The following ZNF397 variants were observed in gnomAD, a reference collection of about 807,000 sequenced individuals.
ZNF397 encodes the protein zinc finger protein 397, also known as zinc finger and SCAN domain-containing protein 15.
A neutral mutation model predicts 50.6 loss-of-function variants in ZNF397; 38 were observed. The ratio of observed to expected loss-of-function variants is 0.75; its 90% CI spans 0.58 to 0.98. The LOEUF is 0.98. Ranked by LOEUF, ZNF397 falls within the 50% of genes least tolerant of loss-of-function variation. The probability of loss-of-function intolerance (pLI) is 0.00; values close to 1 mark genes in which losing one functional copy is unlikely to be tolerated. For missense variants in ZNF397, 624 were observed against 624.1 expected, an observed-to-expected ratio of 1.00 and a Z score of 0.00; for synonymous variants, 228 against 215.2, an observed-to-expected ratio of 1.06 and a Z score of -0.52.
In ZNF397 at chr18:35,246,707, TA is replaced by T. The variant is rs879008742; in HGVS notation, c.*413del. 0.056 allele frequency: 47,099 copies of T among 843,166 alleles called. No homozygotes were observed. The highest frequency in any genetic ancestry group is 0.066 in the Middle Eastern group (110 of 1,658). 52.2% of individuals were successfully genotyped at this position (843,166 alleles called of 1,614,324 possible). A position where few individuals can be genotyped will look rare whatever the true frequency, so the allele number is the denominator to read the frequency against. ...GTGTGAGGCACTTCGTCTCAGGAAC[TA>T]AAAAAAAAAAAAAAACTGACCCAAT... On this transcript the variant is annotated 3_prime_UTR_variant, in exon 4 of 4. Transcript: ENST00000330501.
downstream of ZNF397, chr18:35,251,262 G>A (rs1291200343): frequency 6.6e-6 from 1 of 152,004 alleles, no homozygotes; most frequent in Non-Finnish European, 1.5e-5. Flanking sequence ...TGGGATTGGG[G>A]GTGGTTTATA....
At position 35,248,030 on chromosome 18, in the gene ZNF397, C is replaced by G. The variant is rs748624652; in HGVS notation, c.*1720C>G. 1.3e-5 allele frequency: 2 copies of G among 152,194 alleles called. No individual in the cohort carries two copies. The highest frequency in any genetic ancestry group is 2.9e-5 in the Non-Finnish European group (2 of 68,046). 9.4% of individuals were successfully genotyped at this position (152,194 alleles called of 1,614,324 possible). On this transcript the variant is annotated 3_prime_UTR_variant, in exon 4 of 4. Transcript: ENST00000330501. ...GGAAGTGACAACTGAAACTAATGGT[C>G]ACAGTCAGTCAAGACTTCCCTTTTC... is the stretch of plus-strand genomic sequence containing the variant.
Position 35,248,449 on chromosome 18 carries a change from T to TA in ZNF397, c.*2142dup, listed in dbSNP as rs1380230030. The TA allele has an allele frequency of 1.3e-5, 2 of 152,268 alleles. No homozygotes were observed. Among genetic ancestry groups the TA allele is most frequent in the Non-Finnish European group, 1.5e-5 (1 of 68,010 alleles). The allele number at this position is 152,268 out of a possible 1,614,324, so 9.4% of individuals were successfully genotyped here. A position where few individuals can be genotyped will look rare whatever the true frequency, so the allele number is the denominator to read the frequency against. On this transcript the variant is annotated 3_prime_UTR_variant, in exon 4 of 4. Coordinates refer to ENST00000330501, the MANE Select transcript of ZNF397 (RefSeq NM_001135178.3). ...TCTTGTTTTTCTCCTTTTCCATAGA[T>TA]AAAGACCTGAACAAACTGAAAAGGT...
chr18:35,253,928 T>C (rs1214562776), downstream of ZNF397: 1 of 1,614,200 alleles, frequency 6.2e-7, no homozygotes, highest in South Asian at 1.1e-5. Context: ...ACTGAAGGCT[T>C]TGCCACATTC....
downstream of ZNF397, chr18:35,254,083 C>G: frequency 6.2e-7 from 1 of 1,614,150 alleles, no homozygotes; most frequent in Non-Finnish European, 8.5e-7. Flanking sequence ...CATTTGAATT[C>G]ATACTGAAAC....
At chr18:35,251,578 C>G (rs867523669), downstream of ZNF397, 4 of 152,088 alleles carry the variant, frequency 2.6e-5, no homozygotes, top group African/African-American at 9.7e-5. Flanking sequence ...GAGGGAGGGT[C>G]GTGGTGGGAG....
downstream of ZNF397, chr18:35,259,091 C>T (rs2043946597): frequency 6.6e-6 from 1 of 152,628 alleles, no homozygotes; most frequent in Admixed American, 6.6e-5. Context: ...TGGTAAACAA[C>T]AGAAATCTCT....
intron 3 of ZNF397, among the ~76,000 whole-genome samples, chr18:35,245,052 C>A (rs1006956430): frequency 6.6e-6 from 1 of 151,968 alleles, no homozygotes; most frequent in Non-Finnish European, 1.5e-5. Context: ...CAGTTGATGT[C>A]TCAAAAGAGG....
Position 35,246,270 on chromosome 18 carries a change from C to CAAA in ZNF397, c.1565_1566insAAA (p.Ser522_Val523insLys), listed in dbSNP as rs1569045278. Reference sequence around the variant, plus strand: ...TGTGGGAAGGCTTTCAGGCACAGATCGGTCCTTATGCGCCATCAAAGAGTC... The same window carrying CAAA: ...TGTGGGAAGGCTTTCAGGCACAGATCAAAGGTCCTTATGCGCCATCAAAGAGTC... On this transcript the variant is annotated inframe_insertion, in exon 4 of 4. Coordinates refer to ENST00000330501, the MANE Select transcript of ZNF397 (RefSeq NM_001135178.3). 3 of 1,551,774 alleles carry CAAA rather than the reference C, an allele frequency of 1.9e-6. No individual in the cohort carries two copies. The highest frequency in any genetic ancestry group is 2.6e-6 in the Non-Finnish European group (3 of 1,146,926).
At chr18:35,251,861 T>C (rs979263316), downstream of ZNF397, 5 of 152,018 alleles carry the variant, frequency 3.3e-5, no homozygotes, top group Admixed American at 1.3e-4. Context: ...GAAAATGGAC[T>C]AATACAAGCA....
At chr18:35,256,164 A>T (rs2043805665) in intron 5 of ZNF397, 1 of 152,482 alleles carries the variant, frequency 6.6e-6, no homozygotes, top group Non-Finnish European at 1.5e-5. Flanking sequence ...CATCAGGAAG[A>T]CATCAAGATT....
In ZNF397 at chr18:35,243,284, C is replaced by G; in HGVS notation, c.547C>G (p.Pro183Ala). 1 of 1,614,198 alleles carries G rather than the reference C, an allele frequency of 6.2e-7. No individual in the cohort carries two copies. The highest frequency in any genetic ancestry group is 1.1e-5 in the South Asian group (1 of 91,086). ...QLKSWKPCLS[P>A]KSDCENSETA... ...GAAATCCTGGAAACCATGCCTTTCCCCTAAAAGTGGTGAGGAATGGGAAAT... is the reference window on the plus strand; with the variant it reads ...GAAATCCTGGAAACCATGCCTTTCCGCTAAAAGTGGTGAGGAATGGGAAAT... The change falls in exon 3 of 4, where the codon CCT becomes GCT. Residue 183 changes from proline to alanine, a missense_variant. Pro to Ala is a conservative substitution (Grantham distance 27, BLOSUM62 -1). Transcript: ENST00000330501.
chr18:35,243,234 A>G lies in ZNF397; in HGVS notation c.497A>G (p.His166Arg), dbSNP rs1912655540. The change falls in exon 3 of 4, where the codon CAC becomes CGC. Residue 166 changes from histidine to arginine, a missense_variant. Coordinates refer to ENST00000330501, the MANE Select transcript of ZNF397 (RefSeq NM_001135178.3). ...LRASQESTDI[H>R]LQPLKTQLKS... Reference sequence around the variant, plus strand: ...GCATCCCAAGAGTCAACAGACATCCACCTCCAGCCCTTAAAGACACAGCTG... The same window carrying G: ...GCATCCCAAGAGTCAACAGACATCCGCCTCCAGCCCTTAAAGACACAGCTG... 1 of 1,614,032 alleles carries G rather than the reference A, an allele frequency of 6.2e-7. No homozygotes were observed. Among genetic ancestry groups the G allele is most frequent in the Admixed American group, 1.7e-5 (1 of 60,000 alleles).
chr18:35,245,614 T>G lies in ZNF397; in HGVS notation c.909T>G (p.His303Gln). ...AGCAGCATTCCTCTCTAACACAACA[T>G]CAGAGAATCCATACTGGAGAAAAGC... ...SFKQHSSLTQHQRIHTGEKPY... is the reference protein window; with the variant it reads ...SFKQHSSLTQQQRIHTGEKPY... Residue 303 changes from histidine (H) to glutamine (Q), a missense_variant, in exon 4 of 4, where the codon CAT (histidine) becomes CAG (glutamine). His to Gln is a conservative substitution (Grantham distance 24). Coordinates refer to ENST00000330501, the MANE Select transcript of ZNF397 (RefSeq NM_001135178.3). 1 of 1,554,416 alleles carries G rather than the reference T, an allele frequency of 6.4e-7. No homozygotes were observed. The highest frequency in any genetic ancestry group is 1.2e-5 in the South Asian group (1 of 84,212).
At position 35,245,873 on chromosome 18, in the gene ZNF397, A is replaced by C. The variant is rs775961597; in HGVS notation, c.1168A>C (p.Ile390Leu). Residue 390 changes from isoleucine to leucine, a missense_variant, in exon 4 of 4, where the codon ATT becomes CTT. By Grantham distance (5) the Ile-to-Leu change is conservative. Transcript: ENST00000330501. ...QSSYLIIHQR[I>L]HTGEKPYECN... ...TTCATATCTCATTATACATCAAAGA[A>C]TTCACACTGGTGAGAAACCTTATGA... 1.8e-5 allele frequency: 28 copies of C among 1,556,588 alleles called. No individual in the cohort carries two copies. Among genetic ancestry groups the C allele is most frequent in the Non-Finnish European group, 2.3e-5 (27 of 1,149,974 alleles).
chr18:35,254,876 C>T (rs2043743053), intron 5 of ZNF397: 1 of 162,926 alleles, frequency 6.1e-6, no homozygotes, highest in Non-Finnish European at 1.4e-5. Context: ...AGCTGGGCAG[C>T]AACTAGAAAG....
At position 35,258,052 on chromosome 18, in the gene ZNF397, T is replaced by C. The variant is rs1425515236; in HGVS notation, c.*114T>C. 9.0e-6 allele frequency: 7 copies of C among 775,236 alleles called. No individual in the cohort carries two copies. In the Admixed American group the frequency reaches 1.2e-4, roughly 13 times the overall value. 48.0% of individuals were successfully genotyped at this position (775,236 alleles called of 1,614,324 possible). ...CTACAAGAAACTTATAACTCAAGGT[T>C]GTAAAAATGGCATGGTGACTCTTAC... On this transcript the variant is annotated 3_prime_UTR_variant, in exon 6 of 6. Transcript: ENST00000261333.
Position 35,245,436 on chromosome 18 carries a change from G to C in ZNF397, c.731G>C (p.Ser244Thr), listed in dbSNP as rs1022159128. The change falls in exon 4 of 4, where the codon AGT (serine) becomes ACT (threonine). Residue 244 changes from serine (S) to threonine (T), a missense_variant. Transcript: ENST00000330501. ...LRSPSQGGSFSQVIFTNKSLG... is the reference protein window; with the variant it reads ...LRSPSQGGSFTQVIFTNKSLG... The stretch of plus-strand genomic sequence containing the variant: ...TCTCCTTCCCAAGGGGGCAGTTTTA[G>C]TCAAGTGATCTTCACAAACAAATCT... 1.3e-6 allele frequency: 2 copies of C among 1,561,378 alleles called. No individual in the cohort carries two copies. The highest frequency in any genetic ancestry group is 1.7e-6 in the Non-Finnish European group (2 of 1,152,384).
chr18:35,245,179 A>C (rs2143593951), intron 3 of ZNF397, 83 bp from the exon 4 acceptor site: 3 of 1,450,174 alleles, frequency 2.1e-6, no homozygotes, highest in Non-Finnish European at 1.8e-6. Context: ...TGTAGGTAGA[A>C]GCTTCTGTTT....
Sources: gnomAD v4.1 joint callset for allele counts (sites outside exome capture counted in the v4.1 genomes callset) on GRCh38, gnomAD v4.1.1 for gene constraint, MANE v1.5 for transcripts, NCBI Gene and HGNC (gene_info 2026-07-23, HGNC 2026-07-21) for gene names.